The following DOC2A variants were observed in gnomAD, a reference collection of about 807,000 sequenced individuals.
DOC2A encodes double C2-like domain-containing protein alpha.
In DOC2A, 28 loss-of-function variants were observed where a neutral mutation model predicts 40.6. The ratio of observed to expected loss-of-function variants is 0.69; its 90% CI spans 0.51 to 0.95. The LOEUF is 0.95. Among genes scored for constraint, DOC2A ranks in the 40% least tolerant of loss-of-function variants. The pLI is 0.00. For synonymous variants in DOC2A, 241 were observed against 236.9 expected (o/e 1.02, Z -0.16); for missense variants, 474 against 552.5 (o/e 0.86, Z 1.42).
At chr16:30,016,509 G>GAGT (rs1477018555), upstream of DOC2A, among the ~76,000 whole-genome samples, 1 of 152,142 alleles carries the variant, frequency 6.6e-6, no homozygotes, top group East Asian at 1.9e-4. Context: ...GAGGGGAGGG[G>GAGT]GACACTCTGG....
chr16:30,010,781 TG>T lies in DOC2A; in HGVS notation c.-14+121del. ...AGACCCCAGCCTCAGATGCCACCTC[TG>T]GCTCCTCAGGGGAGCCAGAAATTGC... On this transcript the variant is annotated intron_variant, in intron 1 of 10. Coordinates refer to ENST00000350119, the MANE Select transcript of DOC2A (RefSeq NM_003586.3). This position sits in a 1 kb window ranked among gnomAD's most constrained non-coding sequence, Gnocchi z 4.2. 1 of 719,216 alleles carries T rather than the reference TG, an allele frequency of 1.4e-6. No individual in the cohort carries two copies. Among genetic ancestry groups the T allele is most frequent in the Non-Finnish European group, 1.7e-6 (1 of 578,634 alleles). 44.6% of individuals were successfully genotyped at this position (719,216 alleles called of 1,614,324 possible).
Position 30,009,891 on chromosome 16 carries a change from CCT to C in DOC2A, c.262+68_262+69del, listed in dbSNP as rs1310700972. Reference sequence around the variant, plus strand: ...ATGCACAGCCAGCAGGGCCCATCCCCCTCTCCCCCCACCACGGCAAGCCTGGA... The same window carrying C: ...ATGCACAGCCAGCAGGGCCCATCCCCCTCCCCCCACCACGGCAAGCCTGGA... On this transcript the variant is annotated intron_variant, in intron 2 of 10. Transcript: ENST00000350119. The surrounding 1 kb of genome is among the most constrained non-coding windows in gnomAD (Gnocchi z 4.1). 3 of 1,595,146 alleles carry C rather than the reference CCT, an allele frequency of 1.9e-6. No individual in the cohort carries two copies. The highest frequency in any genetic ancestry group is 2.6e-6 in the Non-Finnish European group (3 of 1,166,690).
Position 30,010,359 on chromosome 16 carries a change from G to T in DOC2A, c.-13-124C>A. 1.5e-6 allele frequency: 2 copies of T among 1,364,490 alleles called. No individual in the cohort carries two copies. Among genetic ancestry groups the T allele is most frequent in the Non-Finnish European group, 2.1e-6 (2 of 974,288 alleles). The allele number at this position is 1,364,490 out of a possible 1,614,324, so 84.5% of individuals were successfully genotyped here. The stretch of plus-strand genomic sequence containing the variant: ...TCCCTTCCTAGGTGTCGAGGGAGAG[G>T]GTGGTGTGTGCCAGCCGGTGGCAGG... On this transcript the variant is annotated intron_variant, in intron 1 of 10. Transcript: ENST00000350119. This position sits in a 1 kb window ranked among gnomAD's most constrained non-coding sequence, Gnocchi z 4.2.
upstream of DOC2A, chr16:30,012,676 C>G (rs1177401905): frequency 8.4e-6 from 1 of 119,136 alleles, no homozygotes; most frequent in Non-Finnish European, 1.8e-5. Flanking sequence ...GAGACACAGT[C>G]TCTTAAAAAA....
At position 30,010,250 on chromosome 16, in the gene DOC2A, G is replaced by A; in HGVS notation, c.-13-15C>T. Reference sequence around the variant, plus strand: ...AGCACCCCTGGCTAGGAGAGGGCGTGTGAGCCAGTGAGCCCATCATACCTA... The same window carrying A: ...AGCACCCCTGGCTAGGAGAGGGCGTATGAGCCAGTGAGCCCATCATACCTA... On this transcript the variant is annotated splice_polypyrimidine_tract_variant and intron_variant, in intron 1 of 10. Coordinates refer to ENST00000350119, the MANE Select transcript of DOC2A (RefSeq NM_003586.3). The surrounding 1 kb of genome is among the most constrained non-coding windows in gnomAD (Gnocchi z 4.2). The A allele has an allele frequency of 6.2e-7, 1 of 1,611,674 alleles. No individual in the cohort carries two copies. The highest frequency in any genetic ancestry group is 8.5e-7 in the Non-Finnish European group (1 of 1,179,922).
At chr16:30,008,925 T>C in intron 5 of DOC2A, 71 bp downstream of exon 5, 1 of 1,069,398 alleles carries the variant, frequency 9.4e-7, no homozygotes, top group South Asian at 1.3e-5. Context: ...GGGACATAGA[T>C]CAACCAACCA....
At position 30,009,320 on chromosome 16, in the gene DOC2A, T is replaced by C. The variant is rs1268515395; in HGVS notation, c.343-44A>G. On this transcript the variant is annotated intron_variant, in intron 3 of 10. Transcript: ENST00000350119. This position sits in a 1 kb window ranked among gnomAD's most constrained non-coding sequence, Gnocchi z 4.1. ...GAGAGGGCTAGAGGCTCCCGGCACC[T>C]CTCTCCATCCCTCTTGTAGAGCTGG... 1 of 1,530,788 alleles carries C rather than the reference T, an allele frequency of 6.5e-7. No individual in the cohort carries two copies. Among genetic ancestry groups the C allele is most frequent in the Non-Finnish European group, 8.9e-7 (1 of 1,129,382 alleles). The allele number at this position is 1,530,788 out of a possible 1,614,324, so 94.8% of individuals were successfully genotyped here. A position where few individuals can be genotyped will look rare whatever the true frequency, so the allele number is the denominator to read the frequency against.
At chr16:30,018,029 G>A (rs1332143133) in intron 1 of DOC2A, among the ~76,000 whole-genome samples, 6 of 147,862 alleles carry the variant, frequency 4.1e-5, no homozygotes, top group African/African-American at 1.0e-4. Flanking sequence ...ACTTTGGGAG[G>A]CCAAGGCAGG....
chr16:30,009,440 C>A lies in DOC2A; in HGVS notation c.342+38G>T. On this transcript the variant is annotated intron_variant, in intron 3 of 10. Coordinates refer to ENST00000350119, the MANE Select transcript of DOC2A (RefSeq NM_003586.3). This position sits in a 1 kb window ranked among gnomAD's most constrained non-coding sequence, Gnocchi z 4.1. ...ATGGGCCCCCTCTGGGGGCTGCACG[C>A]AAACCGGGCCCGGGCTTGGGTGGCA... 5 of 1,547,990 alleles carry A rather than the reference C, an allele frequency of 3.2e-6. No individual in the cohort carries two copies. Among genetic ancestry groups the A allele is most frequent in the Non-Finnish European group, 3.5e-6 (4 of 1,144,390 alleles).
At chr16:30,022,706 C>T (rs139587259), upstream of DOC2A, among the ~76,000 whole-genome samples, 604 of 152,036 alleles carry the variant, frequency 4.0e-3, 3 homozygotes, top group African/African-American at 0.014. Context: ...GAGGCCGAGG[C>T]GAACAGATCA....
rs193052781 is a variant in DOC2A at position 30,008,717 on chromosome 16, G to T, written c.527+279C>A. On this transcript the variant is annotated intron_variant, in intron 5 of 10. Coordinates refer to ENST00000350119, the MANE Select transcript of DOC2A (RefSeq NM_003586.3). ...ACGGGGGTTTCACCAAGTTGGCCAG[G>T]CTGGTCTTGAACTCCTGACCTCAAG... 5 of 394,016 alleles carry T rather than the reference G, an allele frequency of 1.3e-5. No homozygotes were observed. The East Asian group carries it at 2.3e-4, about 18-fold the overall frequency. The allele number at this position is 394,016 out of a possible 1,614,324, so 24.4% of individuals were successfully genotyped here. A position where few individuals can be genotyped will look rare whatever the true frequency, so the allele number is the denominator to read the frequency against.
upstream of DOC2A, among the ~76,000 whole-genome samples, chr16:30,013,955 T>G (rs1053390472): frequency 2.6e-5 from 4 of 152,180 alleles, no homozygotes; most frequent in African/African-American, 9.6e-5. Context: ...GACCTCATGA[T>G]CCGCCTGCTT....
At chr16:30,018,244 C>T (rs2070876384) in intron 1 of DOC2A, among the ~76,000 whole-genome samples, 1 of 147,236 alleles carries the variant, frequency 6.8e-6, no homozygotes, top group East Asian at 2.0e-4. Context: ...TGCACCACTG[C>T]ACTCCAGCCT....
rs564730751 is a variant in DOC2A at position 30,008,905 on chromosome 16, C to T, written c.527+91G>A. ...ATGGTTCTTGAGCATCAGAGAGGTA[C>T]GGGCTTAATGGGACATAGATCAACC... On this transcript the variant is annotated intron_variant, in intron 5 of 10. Coordinates refer to ENST00000350119, the MANE Select transcript of DOC2A (RefSeq NM_003586.3). 3.2e-4 allele frequency: 285 copies of T among 904,652 alleles called. 1 individual carries two copies. Among genetic ancestry groups the T allele is most frequent in the African/African-American group, 3.1e-3 (194 of 61,680 alleles). 56.0% of individuals were successfully genotyped at this position (904,652 alleles called of 1,614,324 possible).
rs775797559 is a variant in DOC2A, at chr16:30,009,972, G to T, written c.251C>A (p.Ser84Ter). Reference sequence around the variant, plus strand: ...GCCCCCAGACTCACTGGCATCATCCGAGTCATAGCTGTCCACCTCCGCACC... The same window carrying T: ...GCCCCCAGACTCACTGGCATCATCCTAGTCATAGCTGTCCACCTCCGCACC... ...EDGAEVDSYD[S>*]DDATALGTLE... is the part of the protein sequence containing the mutation. Residue 84 changes from serine to a stop codon, truncating the protein, a stop_gained, in exon 2 of 11, where the codon TCG becomes TAG. Coordinates refer to ENST00000350119, the MANE Select transcript of DOC2A (RefSeq NM_003586.3). LOFTEE classifies it high-confidence loss of function. This position sits in a 1 kb window ranked among gnomAD's most constrained non-coding sequence, Gnocchi z 4.1. 1 of 1,611,252 alleles carries T rather than the reference G, an allele frequency of 6.2e-7. No individual in the cohort carries two copies. Among genetic ancestry groups the T allele is most frequent in the Admixed American group, 1.7e-5 (1 of 59,984 alleles).
At chr16:30,007,129 C>A in intron 6 of DOC2A, 39 bp from the exon 7 acceptor site, 2 of 1,613,612 alleles carry the variant, frequency 1.2e-6, no homozygotes, top group Non-Finnish European at 8.5e-7. Flanking sequence ...GCCTGGCCTC[C>A]CCAGGGCCCC....
intron 5 of DOC2A, chr16:30,008,275 CG>C (rs1183352209): frequency 6.5e-6 from 1 of 153,360 alleles, no homozygotes; most frequent in African/African-American, 2.4e-5. Flanking sequence ...ACTCAAGGCA[CG>C]GAAGGGGCAG....
At chr16:30,011,491 T>G, upstream of DOC2A, 1 of 863,910 alleles carries the variant, frequency 1.2e-6, no homozygotes, top group Non-Finnish European at 1.4e-6. Flanking sequence ...CCCTCCCGGG[T>G]CCCCAAGGCC....
chr16:30,007,567 G>A, intron 5 of DOC2A: 3 of 516,462 alleles, frequency 5.8e-6, no homozygotes, highest in Non-Finnish European at 1.1e-5. Flanking sequence ...CCTCCATTCA[G>A]GGCCTGGGGG....
Sources: gnomAD v4.1 joint callset for allele counts (sites outside exome capture counted in the v4.1 genomes callset) on GRCh38, gnomAD v4.1.1 for gene constraint, Gnocchi (gnomAD v3.1) non-coding constraint, MANE v1.5 for transcripts, NCBI Gene and HGNC (gene_info 2026-07-23, HGNC 2026-07-21) for gene names.